Variants in EFCAB6 observed in about 807,000 individuals in gnomAD.
EFCAB6 encodes EF-hand calcium binding domain 6.
A neutral mutation model predicts 169.8 loss-of-function variants in EFCAB6; 156 were observed. The ratio of observed to expected loss-of-function variants is 0.92; its 90% confidence interval spans 0.81 to 1.05. EFCAB6 has a LOEUF of 1.05. Among genes scored for constraint, EFCAB6 ranks in the 50% least tolerant of loss-of-function variants. The pLI is 0.00. For missense variants in EFCAB6, 1,800 were observed against 1,829.1 expected (o/e 0.98, Z 0.29); for synonymous variants, 698 against 676.4 (o/e 1.03, Z -0.50).
chr22:43,669,106 C>T (rs2057380362), intron 15 of EFCAB6, 61 bp from the exon 16 acceptor site: 1 of 1,429,274 alleles, frequency 7.0e-7, no homozygotes. Flanking sequence ...AAAAGACTGA[C>T]CCTGCCAAGG....
At chr22:43,692,378 T>C (rs991260176) in intron 10 of EFCAB6, among the ~76,000 whole-genome samples, 2 of 151,822 alleles carry the variant, frequency 1.3e-5, no homozygotes, top group Non-Finnish European at 2.9e-5. Context: ...CCAGAAAAAA[T>C]TGAACTCATA....
chr22:43,763,991 G>T (rs1263724426), intron 5 of EFCAB6, among the ~76,000 whole-genome samples: 1 of 152,032 alleles, frequency 6.6e-6, no homozygotes. Flanking sequence ...TCAAACTCCT[G>T]GGCTCAAGTG....
chr22:43,765,631 G>A (rs912446930), intron 4 of EFCAB6, among the ~76,000 whole-genome samples: 1 of 152,034 alleles, frequency 6.6e-6, no homozygotes, highest in Non-Finnish European at 1.5e-5. Flanking sequence ...CCAACTGAAA[G>A]TCGAGTTATC....
chr22:43,690,161 T>C (rs1420930693), intron 10 of EFCAB6, among the ~76,000 whole-genome samples: 1 of 152,084 alleles, frequency 6.6e-6, no homozygotes, highest in African/African-American at 2.4e-5. Flanking sequence ...TACTCTTGCC[T>C]TCCTCCAATG....
chr22:43,589,444 G>A (rs1464299943), intron 24 of EFCAB6, among the ~76,000 whole-genome samples: 5 of 152,178 alleles, frequency 3.3e-5, no homozygotes, highest in Admixed American at 6.5e-5. Flanking sequence ...AACCAGCCTC[G>A]TAGAACTACG....
At chr22:43,559,118 G>A (rs1347248852) in intron 26 of EFCAB6, among the ~76,000 whole-genome samples, 2 of 152,038 alleles carry the variant, frequency 1.3e-5, no homozygotes, top group Admixed American at 6.6e-5. Context: ...TCTACCCATC[G>A]GACAAAGGCC....
At chr22:43,618,199 AAAGAAAGAAAG>A (rs2053858690) in intron 20 of EFCAB6, among the ~76,000 whole-genome samples, 1 of 146,580 alleles carries the variant, frequency 6.8e-6, no homozygotes, top group Non-Finnish European at 1.5e-5. Context: ...AGAAAGAAAG[AAAGAAAGAAAG>A]AAAGAAAGAA....
At chr22:43,782,150 TA>T in intron 3 of EFCAB6, 29 bp downstream of exon 3, 4 of 1,600,530 alleles carry the variant, frequency 2.5e-6, no homozygotes, top group Non-Finnish European at 3.4e-6. Flanking sequence ...TATCTACAGT[TA>T]GTGTTCTTAT....
intron 2 of EFCAB6, among the ~76,000 whole-genome samples, chr22:43,785,342 AC>A (rs879577870): frequency 6.6e-6 from 1 of 152,202 alleles, no homozygotes; most frequent in Non-Finnish European, 1.5e-5. Context: ...CTCCAACCAT[AC>A]AGAATGAAAA....
chr22:43,631,381 T>C (rs2054928361), intron 19 of EFCAB6, among the ~76,000 whole-genome samples: 1 of 151,992 alleles, frequency 6.6e-6, no homozygotes, highest in South Asian at 2.1e-4. Flanking sequence ...GTTTTGTCTG[T>C]TACAACTTGC....
chr22:43,782,091 T>C (rs2061839995), intron 3 of EFCAB6, 89 bp downstream of exon 3: 2 of 1,306,162 alleles, frequency 1.5e-6, no homozygotes, highest in Admixed American at 2.3e-5. Context: ...TTAAATGTCA[T>C]ATGAGTCCTT....
At chr22:43,762,413 C>G (rs1308360033) in intron 5 of EFCAB6, among the ~76,000 whole-genome samples, 1 of 152,168 alleles carries the variant, frequency 6.6e-6, no homozygotes, top group South Asian at 2.1e-4. Context: ...CAGGGAGAAG[C>G]TGACTTTGTA....
chr22:43,720,478 C>T (rs1275704084), intron 8 of EFCAB6, among the ~76,000 whole-genome samples: 1 of 152,022 alleles, frequency 6.6e-6, no homozygotes, highest in Non-Finnish European at 1.5e-5. Context: ...TGCCATTGCG[C>T]TCCAGCCTGG....
chr22:43,704,938 C>A (rs2058900655), intron 10 of EFCAB6, among the ~76,000 whole-genome samples: 1 of 151,944 alleles, frequency 6.6e-6, no homozygotes, highest in Admixed American at 6.6e-5. Context: ...ATTAAATTCT[C>A]CAATAAAAAA....
chr22:43,644,961 T>C (rs1354179076), intron 17 of EFCAB6, among the ~76,000 whole-genome samples: 1 of 152,226 alleles, frequency 6.6e-6, no homozygotes, highest in Non-Finnish European at 1.5e-5. Context: ...ATTCCCTCCC[T>C]TACTCTTCGG....
chr22:43,760,745 G>A (rs1320052571), intron 5 of EFCAB6, among the ~76,000 whole-genome samples: 2 of 150,572 alleles, frequency 1.3e-5, no homozygotes, highest in Admixed American at 6.6e-5. Flanking sequence ...TGCAACCTTC[G>A]GCTCCTGGGT....
chr22:43,655,603 G>GA lies in EFCAB6; in HGVS notation c.1983+11500dup, dbSNP rs201282860. ...AAACATGAGACAGCCGGGTCAAATAGAAAAAAACAAAAACATTACAATGAC... is the reference window on the plus strand; with the variant it reads ...AAACATGAGACAGCCGGGTCAAATAGAAAAAAAACAAAAACATTACAATGAC... On this transcript the variant is annotated intron_variant, in intron 17 of 31. Coordinates refer to ENST00000262726, the MANE Select transcript of EFCAB6 (RefSeq NM_022785.4). Among the ~76,000 whole-genome samples the GA allele has an allele frequency of 4.2e-3, 633 of 149,358 alleles. 3 individuals carry two copies. The highest frequency in any genetic ancestry group is 0.014 in the Middle Eastern group (4 of 284).
intron 24 of EFCAB6, among the ~76,000 whole-genome samples, chr22:43,582,278 G>A (rs2050775258): frequency 6.6e-6 from 1 of 151,902 alleles, no homozygotes; most frequent in African/African-American, 2.4e-5. Flanking sequence ...AAGAGATCCT[G>A]TTTAAGGAAG....
chr22:43,580,170 G>T (rs1481713703), intron 25 of EFCAB6, among the ~76,000 whole-genome samples: 1 of 152,140 alleles, frequency 6.6e-6, no homozygotes, highest in Non-Finnish European at 1.5e-5. Context: ...GAGCTCCCAG[G>T]ATGCGCTGAG....
Sources: gnomAD v4.1 joint callset for allele counts (sites outside exome capture counted in the v4.1 genomes callset) on GRCh38, gnomAD v4.1.1 for gene constraint, MANE v1.5 for transcripts, NCBI Gene and HGNC (gene_info 2026-07-23, HGNC 2026-07-21) for gene names.